Variants in PHF5A observed in about 807,000 individuals in gnomAD.
The protein encoded by PHF5A is PHD finger-like domain-containing protein 5A.
For missense variants in PHF5A, 24 were observed against 140.6 expected, an observed-to-expected ratio of 0.17 and a Z score of 4.19; for synonymous variants, 52 against 46.0, an observed-to-expected ratio of 1.13 and a Z score of -0.52.
chr22:41,465,438 C>T (rs2037858305), intron 3 of PHF5A, among the ~76,000 whole-genome samples: 1 of 152,178 alleles, frequency 6.6e-6, no homozygotes, highest in African/African-American at 2.4e-5. Flanking sequence ...GCTGGGATTG[C>T]AGGCATGAGC....
chr22:41,460,560 G>C, intron 3 of PHF5A, 73 bp from the exon 4 acceptor site: 1 of 1,269,928 alleles, frequency 7.9e-7, no homozygotes, highest in Admixed American at 1.9e-5. Flanking sequence ...AAAAATTTAA[G>C]CCCAGTGTGG....
At chr22:41,467,635 T>C (rs1471406641) in intron 2 of PHF5A, 21 bp from the exon 3 acceptor site, 2 of 1,612,956 alleles carry the variant, frequency 1.2e-6, no homozygotes, top group East Asian at 4.5e-5. Context: ...GAGAATGGAG[T>C]CATGCTCACA....
At chr22:41,461,914 G>A (rs888569772) in intron 3 of PHF5A, among the ~76,000 whole-genome samples, 1 of 152,140 alleles carries the variant, frequency 6.6e-6, no homozygotes, top group Non-Finnish European at 1.5e-5. Context: ...ACTCACCTCG[G>A]CCTCCTAAAG....
intron 3 of PHF5A, among the ~76,000 whole-genome samples, chr22:41,463,822 A>T (rs1415461695): frequency 6.8e-6 from 1 of 147,758 alleles, no homozygotes; most frequent in Non-Finnish European, 1.5e-5. Flanking sequence ...TGAACCTGGG[A>T]GGCGGAGATT....
intron 3 of PHF5A, among the ~76,000 whole-genome samples, chr22:41,464,305 C>A (rs780305270): frequency 6.6e-6 from 1 of 152,106 alleles, no homozygotes; most frequent in Non-Finnish European, 1.5e-5. Flanking sequence ...CTGTCTAATT[C>A]CCTTATCAAT....
intron 3 of PHF5A, among the ~76,000 whole-genome samples, 200 bp from the exon 4 acceptor site, chr22:41,460,687 C>T (rs1005022844): frequency 8.0e-5 from 12 of 150,746 alleles, no homozygotes; most frequent in African/African-American, 2.7e-4. Context: ...AGCTACTGTA[C>T]CCCACTGTAG....
chr22:41,460,037 G>A lies in PHF5A; in HGVS notation c.*361C>T, dbSNP rs17002469. The A allele has an allele frequency of 5.7e-3, 866 of 152,266 alleles. 8 individuals are homozygous for A. Among genetic ancestry groups the A allele is most frequent in the Middle Eastern group, 0.033 (10 of 306 alleles). 9.4% of individuals were successfully genotyped at this position (152,266 alleles called of 1,614,324 possible). A position where few individuals can be genotyped will look rare whatever the true frequency, so the allele number is the denominator to read the frequency against. ...AAGAACATGTTTTTCACTGGGCGTCGCTTCACAGTCAGTTCCTCAAGCAGA... is the reference window on the plus strand; with the variant it reads ...AAGAACATGTTTTTCACTGGGCGTCACTTCACAGTCAGTTCCTCAAGCAGA... On this transcript the variant is annotated 3_prime_UTR_variant, in exon 4 of 4. Coordinates refer to ENST00000216252, the MANE Select transcript of PHF5A (RefSeq NM_032758.4).
intron 2 of PHF5A, 180 bp downstream of exon 2, chr22:41,467,940 GATAC>G: frequency 6.2e-6 from 4 of 645,786 alleles, no homozygotes; most frequent in Non-Finnish European, 1.1e-5. Flanking sequence ...AAACTAGAGA[GATAC>G]AGCGTTAAAT....
At chr22:41,468,328 G>A in intron 1 of PHF5A, 181 bp from the exon 2 acceptor site, 1 of 665,802 alleles carries the variant, frequency 1.5e-6, no homozygotes, top group Non-Finnish European at 2.6e-6. Context: ...GCACCCTCCT[G>A]AATCTCCTCC....
chr22:41,465,220 T>C (rs1488414904), intron 3 of PHF5A, among the ~76,000 whole-genome samples: 1 of 152,134 alleles, frequency 6.6e-6, no homozygotes, highest in Non-Finnish European at 1.5e-5. Context: ...TTGCCCAGAT[T>C]GGAGTGCAAT....
At chr22:41,466,990 T>A in intron 3 of PHF5A, among the ~76,000 whole-genome samples, 1 of 144,188 alleles carries the variant, frequency 6.9e-6, no homozygotes, top group Admixed American at 7.2e-5. Context: ...AGAGACCCCA[T>A]CTCAAAAAAA....
chr22:41,467,710 A>G, intron 2 of PHF5A, 96 bp from the exon 3 acceptor site: 1 of 1,258,702 alleles, frequency 7.9e-7, no homozygotes, highest in South Asian at 1.4e-5. Context: ...GAAATACACT[A>G]GTCTCCTTTT....
intron 1 of PHF5A, chr22:41,468,373 T>A: frequency 1.5e-6 from 1 of 651,794 alleles, no homozygotes; most frequent in Non-Finnish European, 2.7e-6. Context: ...TCTCTGGACC[T>A]GGTTCAGACC....
At chr22:41,460,938 C>T (rs1218898469) in intron 3 of PHF5A, among the ~76,000 whole-genome samples, 2 of 152,046 alleles carry the variant, frequency 1.3e-5, no homozygotes, top group Non-Finnish European at 2.9e-5. Context: ...TTTGGGAGGC[C>T]GAGGCAGGTG....
chr22:41,467,298 C>T, intron 3 of PHF5A, 150 bp downstream of exon 3: 1 of 733,986 alleles, frequency 1.4e-6, no homozygotes, highest in Non-Finnish European at 2.2e-6. Flanking sequence ...TATTGGACTA[C>T]ACCCAGTTTG....
chr22:41,462,076 T>C (rs781771921), intron 3 of PHF5A, among the ~76,000 whole-genome samples: 2 of 152,192 alleles, frequency 1.3e-5, no homozygotes, highest in African/African-American at 4.8e-5. Flanking sequence ...TAGATGGCTG[T>C]TGACAGACCA....
chr22:41,467,762 G>T, intron 2 of PHF5A, 148 bp from the exon 3 acceptor site: 1 of 921,330 alleles, frequency 1.1e-6, no homozygotes, highest in Non-Finnish European at 1.6e-6. Context: ...CACAAAACTT[G>T]GTTTCCCCAG....
rs189043442 is a variant in PHF5A at position 41,465,644 on chromosome 22, G to A, written c.243+1804C>T. On this transcript the variant is annotated intron_variant, in intron 3 of 3. Transcript: ENST00000216252. ...CGCCTGTAATCCCAGCACTTCGGGA[G>A]GCCCAGATGGGTGGATCGCAAGGTC... Among the ~76,000 whole-genome samples the A allele has an allele frequency of 2.3e-3, 351 of 152,314 alleles. 3 individuals carry two copies. Among genetic ancestry groups the A allele is most frequent in the Middle Eastern group, 0.017 (5 of 294 alleles).
chr22:41,468,008 G>C, intron 2 of PHF5A, 116 bp downstream of exon 2: 4 of 1,083,136 alleles, frequency 3.7e-6, no homozygotes, highest in African/African-American at 3.1e-5. Flanking sequence ...GCAGCATTCA[G>C]TGTTCACATA....
Sources: gnomAD v4.1 joint callset for allele counts (sites outside exome capture counted in the v4.1 genomes callset) on GRCh38, gnomAD v4.1.1 for gene constraint, MANE v1.5 for transcripts, NCBI Gene and HGNC (gene_info 2026-07-23, HGNC 2026-07-21) for gene names.